USP24: variants seen among roughly 807,000 people sequenced by gnomAD.
USP24 encodes the protein ubiquitin specific peptidase 24.
In USP24, 97 loss-of-function variants were observed where a neutral mutation model predicts 361.6. That is an observed-to-expected ratio of 0.27 (90% confidence interval 0.23 to 0.32). USP24 has a LOEUF of 0.32. Ranked by LOEUF, USP24 falls within the 10% of genes least tolerant of loss-of-function variation. The pLI is 1.00. For synonymous variants in USP24, 1,098 were observed against 1,124.6 expected (o/e 0.98, Z 0.47); for missense variants, 2,353 against 3,165.6 (o/e 0.74, Z 6.16).
intron 42 of USP24, among the ~76,000 whole-genome samples, chr1:55,103,278 A>G (rs746172395): frequency 6.6e-6 from 1 of 152,184 alleles, no homozygotes; most frequent in Non-Finnish European, 1.5e-5. Context: ...TCCTCTAAGA[A>G]GCCTTCTGAG....
chr1:55,085,052 G>A (rs962030476), intron 56 of USP24, among the ~76,000 whole-genome samples: 1 of 152,214 alleles, frequency 6.6e-6, no homozygotes, highest in Non-Finnish European at 1.5e-5. Flanking sequence ...AGCTGCTCCT[G>A]TGGCTTGTAT....
intron 15 of USP24, 22 bp from the exon 16 acceptor site, chr1:55,153,939 A>C: frequency 1.3e-6 from 2 of 1,550,014 alleles, no homozygotes; most frequent in Non-Finnish European, 1.7e-6. Flanking sequence ...TTTTAAGAGA[A>C]ATATAAGTGA....
rs570996742 is a variant in USP24 at position 55,098,470 on chromosome 1, A to G, written c.5453+6T>C. ...TTTTTCCTGTGTCGGTGATATCTTCACTCACCTGTGAGGACAGTCTTTACA... is the reference window on the plus strand; with the variant it reads ...TTTTTCCTGTGTCGGTGATATCTTCGCTCACCTGTGAGGACAGTCTTTACA... On this transcript the variant is annotated splice_donor_region_variant and intron_variant, in intron 46 of 67. Coordinates refer to ENST00000294383, the MANE Select transcript of USP24 (RefSeq NM_015306.3). 6.2e-7 allele frequency: 1 copy of G among 1,606,010 alleles called. No homozygotes were observed. The highest frequency in any genetic ancestry group is 1.3e-5 in the African/African-American group (1 of 74,804).
At chr1:55,116,935 A>C (rs1646132742) in intron 38 of USP24, among the ~76,000 whole-genome samples, 1 of 152,240 alleles carries the variant, frequency 6.6e-6, no homozygotes, top group Non-Finnish European at 1.5e-5. Flanking sequence ...GCTAATGCAA[A>C]AATCTTCAAC....
intron 17 of USP24, among the ~76,000 whole-genome samples, 192 bp downstream of exon 17, chr1:55,148,271 A>AC: frequency 7.3e-6 from 1 of 136,760 alleles, no homozygotes; most frequent in African/African-American, 3.1e-5. Flanking sequence ...AGTTAAGGAG[A>AC]TTAAAAAAAA....
At chr1:55,163,568 C>T (rs1402344080) in intron 7 of USP24, among the ~76,000 whole-genome samples, 1 of 151,754 alleles carries the variant, frequency 6.6e-6, no homozygotes, top group Non-Finnish European at 1.5e-5. Context: ...ATTTTTTGTC[C>T]ATCATACTGG....
At chr1:55,176,322 AC>A (rs1165273920) in intron 3 of USP24, 53 bp downstream of exon 3, 1 of 1,472,318 alleles carries the variant, frequency 6.8e-7, no homozygotes, top group Non-Finnish European at 9.2e-7. Flanking sequence ...CTCTTCCTTC[AC>A]CCTGCCCCCA....
At chr1:55,133,638 CTTTT>C (rs34336736) in intron 30 of USP24, among the ~76,000 whole-genome samples, 25 of 126,802 alleles carry the variant, frequency 2.0e-4, no homozygotes, top group Admixed American at 2.4e-4. Flanking sequence ...CTCTCTCTCT[CTTTT>C]TTTTTTTTTT....
chr1:55,113,510 G>A (rs1480482808), intron 38 of USP24, among the ~76,000 whole-genome samples: 1 of 152,110 alleles, frequency 6.6e-6, no homozygotes, highest in Non-Finnish European at 1.5e-5. Context: ...GAAAAAGAGG[G>A]ACACCTCCCT....
At chr1:55,121,585 G>A (rs1646282935) in intron 36 of USP24, 79 bp from the exon 37 acceptor site, 1 of 1,221,150 alleles carries the variant, frequency 8.2e-7, no homozygotes, top group Non-Finnish European at 1.2e-6. Flanking sequence ...AATTTCTTAA[G>A]CTCAACTTAA....
At chr1:55,128,713 C>CTTTT (rs869191004) in intron 32 of USP24, among the ~76,000 whole-genome samples, 3 of 124,872 alleles carry the variant, frequency 2.4e-5, no homozygotes, top group Non-Finnish European at 3.5e-5. Flanking sequence ...GCTTTAATAC[C>CTTTT]TTTTTTTTTT....
chr1:55,178,282 T>C lies in USP24; in HGVS notation c.325-150A>G, dbSNP rs987532555. 8.5e-5 allele frequency: 73 copies of C among 860,432 alleles called. No individual in the cohort carries two copies. In the East Asian group the frequency reaches 1.9e-3, roughly 23 times the overall value. The allele number at this position is 860,432 out of a possible 1,614,324, so 53.3% of individuals were successfully genotyped here. ...TACCTTTCTTTCCTATAATCACATCTTTCACCAAGAATATCTCAAATATTC... is the reference window on the plus strand; with the variant it reads ...TACCTTTCTTTCCTATAATCACATCCTTCACCAAGAATATCTCAAATATTC... On this transcript the variant is annotated intron_variant, in intron 1 of 67. Transcript: ENST00000294383.
chr1:55,210,032 T>C (rs1200102666), intron 1 of USP24, among the ~76,000 whole-genome samples: 1 of 152,184 alleles, frequency 6.6e-6, no homozygotes, highest in Admixed American at 6.5e-5. Flanking sequence ...TTGAAATTGT[T>C]TTCAAAATTT....
intron 67 of USP24, among the ~76,000 whole-genome samples, chr1:55,069,591 T>G (rs2100374022): frequency 6.6e-6 from 1 of 152,106 alleles, no homozygotes; most frequent in African/African-American, 2.4e-5. Flanking sequence ...CTGATCTAGT[T>G]GGAGCTGGGG....
At chr1:55,207,813 T>C (rs1019100356) in intron 1 of USP24, among the ~76,000 whole-genome samples, 4 of 152,200 alleles carry the variant, frequency 2.6e-5, no homozygotes, top group Non-Finnish European at 5.9e-5. Context: ...AGTGAAAGTA[T>C]AATAAATAAT....
intron 45 of USP24, among the ~76,000 whole-genome samples, 197 bp downstream of exon 45, chr1:55,099,574 A>C (rs910183893): frequency 1.3e-5 from 2 of 152,120 alleles, no homozygotes; most frequent in Non-Finnish European, 2.9e-5. Context: ...AAAGAAAAGA[A>C]AAAAAAGAGA....
rs540137558 is a variant in USP24, at chr1:55,113,082, G to A, written c.4509-2836C>T. ...AGTCTGTTTATCAGAGACTAGGATT[G>A]CAACCCCTGCTTTTTTTTGCTTTCC... On this transcript the variant is annotated intron_variant, in intron 38 of 67. Coordinates refer to ENST00000294383, the MANE Select transcript of USP24 (RefSeq NM_015306.3). 1.1e-4 allele frequency among the ~76,000 whole-genome samples: 17 copies of A among 152,032 alleles called. No homozygotes were observed. The South Asian group carries it at 3.5e-3, about 32-fold the overall frequency.
At chr1:55,209,857 A>C (rs1010699016) in intron 1 of USP24, among the ~76,000 whole-genome samples, 1 of 152,176 alleles carries the variant, frequency 6.6e-6, no homozygotes, top group Non-Finnish European at 1.5e-5. Context: ...ACATTTTCTT[A>C]TTAAAAGTAA....
At chr1:55,172,251 G>T in intron 4 of USP24, 126 bp downstream of exon 4, 1 of 926,988 alleles carries the variant, frequency 1.1e-6, no homozygotes, top group Non-Finnish European at 1.5e-6. Flanking sequence ...TAAAGACAAA[G>T]GATCCTAACA....
Sources: allele counts gnomAD v4.1 joint callset (sites outside exome capture counted in the v4.1 genomes callset), GRCh38; gene constraint gnomAD v4.1.1; transcripts MANE v1.5; gene names NCBI Gene and HGNC (gene_info 2026-07-23, HGNC 2026-07-21).